The following THSD7B variants were observed in gnomAD, a reference collection of about 807,000 sequenced individuals.
THSD7B encodes thrombospondin type-1 domain-containing protein 7B.
THSD7B carries 138 observed loss-of-function variants against 213.6 expected under a neutral mutation model. The ratio of observed to expected loss-of-function variants is 0.65; its 90% CI spans 0.56 to 0.74. The LOEUF (loss-of-function observed/expected upper bound fraction) is 0.74. Among genes scored for constraint, THSD7B ranks in the 30% least tolerant of loss-of-function variants. The pLI is 0.00. For synonymous variants in THSD7B, 742 were observed against 687.0 expected (o/e 1.08, Z -1.25); for missense variants, 1,931 against 1,991.5 (o/e 0.97, Z 0.58).
Position 137,516,031 on chromosome 2 carries a change from A to C in THSD7B, c.3139-47190A>C, listed in dbSNP as rs190737919. Among the ~76,000 whole-genome samples the C allele has an allele frequency of 8.0e-3, 1,222 of 152,304 alleles. 11 individuals are homozygous for C. The highest frequency in any genetic ancestry group is 0.028 in the African/African-American group (1,160 of 41,562). On this transcript the variant is annotated intron_variant, in intron 15 of 27. Coordinates refer to ENST00000409968, the MANE Select transcript of THSD7B (RefSeq NM_001316349.2). ...TGCAGTCACTCAACTACAACATTTAAATGCAATGGGAATAATTGGATCTCA... is the reference window on the plus strand; with the variant it reads ...TGCAGTCACTCAACTACAACATTTACATGCAATGGGAATAATTGGATCTCA...
chr2:137,661,919 A>G (rs1683351229), intron 25 of THSD7B, among the ~76,000 whole-genome samples: 1 of 151,998 alleles, frequency 6.6e-6, no homozygotes, highest in African/African-American at 2.4e-5. Flanking sequence ...TTCCCTTACA[A>G]GTTGTGTGTT....
intron 5 of THSD7B, among the ~76,000 whole-genome samples, chr2:137,155,635 C>A (rs1679896864): frequency 6.6e-6 from 1 of 152,060 alleles, no homozygotes; most frequent in Non-Finnish European, 1.5e-5. Flanking sequence ...TGAACAGCCA[C>A]AAATTTTTAA....
intron 7 of THSD7B, among the ~76,000 whole-genome samples, chr2:137,209,453 A>G (rs910297411): frequency 1.3e-5 from 2 of 152,076 alleles, no homozygotes; most frequent in African/African-American, 4.8e-5. Flanking sequence ...AAGGTCCCAC[A>G]GGGTGCCAGA....
intron 2 of THSD7B, among the ~76,000 whole-genome samples, chr2:136,960,239 C>T (rs1336635748): frequency 2.0e-5 from 3 of 152,146 alleles, no homozygotes; most frequent in Non-Finnish European, 4.4e-5. Flanking sequence ...GTGATCCCCG[C>T]ACCACAACCT....
chr2:137,316,156 C>G (rs1253882435), intron 12 of THSD7B, among the ~76,000 whole-genome samples: 1 of 152,196 alleles, frequency 6.6e-6, no homozygotes, highest in African/African-American at 2.4e-5. Flanking sequence ...TATATTTTCA[C>G]AGATCTGTTA....
At chr2:137,370,111 A>G (rs902858066) in intron 12 of THSD7B, among the ~76,000 whole-genome samples, 5 of 152,232 alleles carry the variant, frequency 3.3e-5, no homozygotes, top group Admixed American at 2.0e-4. Flanking sequence ...AAAATTGGAC[A>G]GGCTTTGCCT....
chr2:137,449,237 T>G (rs1687600909), intron 14 of THSD7B, among the ~76,000 whole-genome samples: 1 of 152,158 alleles, frequency 6.6e-6, no homozygotes, highest in African/African-American at 2.4e-5. Flanking sequence ...AGTTGTGGAA[T>G]AGGGGACTTA....
At chr2:137,160,422 T>C in intron 6 of THSD7B, 54 bp downstream of exon 6, 5 of 1,587,152 alleles carry the variant, frequency 3.2e-6, no homozygotes, top group Non-Finnish European at 4.3e-6. Context: ...AAACATTTAT[T>C]CTGGTAGCTA....
At chr2:136,771,933 A>G (rs987081433) in intron 1 of THSD7B, among the ~76,000 whole-genome samples, 2 of 152,136 alleles carry the variant, frequency 1.3e-5, no homozygotes, top group African/African-American at 2.4e-5. Flanking sequence ...AATTATTACT[A>G]TTAGTTAATT....
intron 6 of THSD7B, among the ~76,000 whole-genome samples, chr2:137,164,774 G>T (rs61265297): frequency 0.044 from 6,750 of 152,138 alleles, 504 homozygotes; most frequent in African/African-American, 0.15. Flanking sequence ...GCAAACTATC[G>T]CAAGGACAAA....
chr2:137,598,340 A>G (rs532054178), intron 17 of THSD7B, among the ~76,000 whole-genome samples: 3 of 152,228 alleles, frequency 2.0e-5, no homozygotes, highest in Admixed American at 6.5e-5. Flanking sequence ...GTAAAAGATG[A>G]TTTTCTTTTT....
At chr2:137,141,677 GTA>G (rs1679589828) in intron 5 of THSD7B, among the ~76,000 whole-genome samples, 1 of 82,580 alleles carries the variant, frequency 1.2e-5, no homozygotes, top group South Asian at 3.2e-4. Flanking sequence ...CTGTGTGTGT[GTA>G]TGTGCGTGTG....
At chr2:137,140,397 G>A (rs1473213807) in intron 5 of THSD7B, among the ~76,000 whole-genome samples, 3 of 152,090 alleles carry the variant, frequency 2.0e-5, no homozygotes, top group South Asian at 2.1e-4. Context: ...TGAGGGGAAC[G>A]TCTTTCTATG....
At chr2:137,192,620 A>G (rs1680679405) in intron 7 of THSD7B, among the ~76,000 whole-genome samples, 1 of 152,202 alleles carries the variant, frequency 6.6e-6, no homozygotes, top group African/African-American at 2.4e-5. Flanking sequence ...TTTCATATGA[A>G]TAAGGAATAG....
At chr2:137,451,920 T>A (rs756406623) in intron 15 of THSD7B, 44 of 256,578 alleles carry the variant, frequency 1.7e-4, no homozygotes, top group Non-Finnish European at 2.5e-4. Flanking sequence ...ATGCTTCTAT[T>A]ACTAATTCTA....
chr2:136,830,130 A>G (rs1300801211), intron 1 of THSD7B, among the ~76,000 whole-genome samples: 5 of 152,076 alleles, frequency 3.3e-5, no homozygotes, highest in African/African-American at 4.8e-5. Flanking sequence ...GCGCGCACAC[A>G]CACACACACA....
intron 9 of THSD7B, among the ~76,000 whole-genome samples, chr2:137,240,644 A>G (rs1443687586): frequency 2.0e-5 from 3 of 152,114 alleles, no homozygotes; most frequent in South Asian, 2.1e-4. Context: ...CCATGTAGCT[A>G]GGACTACAGG....
At chr2:137,160,497 T>A in intron 6 of THSD7B, 129 bp downstream of exon 6, 1 of 1,232,566 alleles carries the variant, frequency 8.1e-7, no homozygotes, top group Non-Finnish European at 1.1e-6. Flanking sequence ...AGCTCAAGCC[T>A]AACGGTATTC....
At chr2:137,621,816 T>G (rs1297905218) in intron 20 of THSD7B, among the ~76,000 whole-genome samples, 1 of 152,174 alleles carries the variant, frequency 6.6e-6, no homozygotes, top group African/African-American at 2.4e-5. Context: ...ATTGGTTTAT[T>G]TGGCTCATGA....
Sources: gnomAD v4.1 joint callset for allele counts (sites outside exome capture counted in the v4.1 genomes callset) on GRCh38, gnomAD v4.1.1 for gene constraint, MANE v1.5 for transcripts, NCBI Gene and HGNC (gene_info 2026-07-23, HGNC 2026-07-21) for gene names.